DAB1: variants seen among roughly 807,000 people sequenced by gnomAD.
DAB1 encodes disabled homolog 1.
Under a neutral mutation model 64.6 loss-of-function variants are expected in DAB1, and 15 were observed. The ratio of observed to expected loss-of-function variants is 0.23; its 90% confidence interval spans 0.16 to 0.36. The LOEUF (loss-of-function observed/expected upper bound fraction) is 0.36, where lower values mean the gene tolerates loss of function less well. Ranked by LOEUF, DAB1 falls within the 10% of genes least tolerant of loss-of-function variation. DAB1 has a pLI of 1.00. For missense variants in DAB1, 596 were observed against 706.7 expected (o/e 0.84, Z 1.78); for synonymous variants, 235 against 251.9 (o/e 0.93, Z 0.64).
chr1:57,881,094 GACTTT>G (rs1203664292), intron 1 of DAB1, among the ~76,000 whole-genome samples: 1 of 152,140 alleles, frequency 6.6e-6, no homozygotes, highest in Non-Finnish European at 1.5e-5. Context: ...CAGTAATGCT[GACTTT>G]ACTTCACTAA....
chr1:58,057,682 T>C (rs1257024026), intron 5 of DAB1, among the ~76,000 whole-genome samples: 1 of 152,204 alleles, frequency 6.6e-6, no homozygotes, highest in East Asian at 1.9e-4. Flanking sequence ...GCCGACACCT[T>C]GGTTTTGGAC....
intron 3 of DAB1, chr1:58,480,867 C>T (rs1569858434): frequency 3.3e-6 from 2 of 610,550 alleles, no homozygotes; most frequent in South Asian, 4.7e-5. Context: ...CCTGAATATC[C>T]TTTTTTTTTT....
chr1:57,577,263 G>C (rs189776052), intron 7 of DAB1, among the ~76,000 whole-genome samples: 1 of 151,950 alleles, frequency 6.6e-6, no homozygotes, highest in Non-Finnish European at 1.5e-5. Context: ...TTTCCTCCTC[G>C]TAACAGCTCA....
intron 4 of DAB1, among the ~76,000 whole-genome samples, chr1:58,293,206 A>G (rs1661887467): frequency 6.6e-6 from 1 of 152,194 alleles, no homozygotes; most frequent in South Asian, 2.1e-4. Flanking sequence ...GGAAGTCATG[A>G]CTTGAGTCTA....
chr1:57,221,701 C>T (rs1666888033), intron 2 of DAB1, among the ~76,000 whole-genome samples: 1 of 152,140 alleles, frequency 6.6e-6, no homozygotes, highest in African/African-American at 2.4e-5. Context: ...CACACTCTCC[C>T]TACTTTGGCC....
intron 5 of DAB1, among the ~76,000 whole-genome samples, chr1:58,104,677 A>T (rs1397218700): frequency 6.6e-6 from 1 of 152,202 alleles, no homozygotes. Context: ...ATTTAAATCC[A>T]TTGGAGGGAA....
At chr1:57,282,197 A>C (rs661130) in intron 2 of DAB1, among the ~76,000 whole-genome samples, 39 of 54,414 alleles carry the variant, frequency 7.2e-4, no homozygotes, top group South Asian at 1.1e-3. Context: ...AAAAAAAAAA[A>C]AAAAAAAAAA....
chr1:58,513,784 A>C (rs1419527879), intron 2 of DAB1, among the ~76,000 whole-genome samples: 1 of 152,234 alleles, frequency 6.6e-6, no homozygotes, highest in East Asian at 1.9e-4. Flanking sequence ...TTTAATCCTC[A>C]TAACAACTTC....
At chr1:57,377,483 G>A (rs1246625980) in intron 1 of DAB1, among the ~76,000 whole-genome samples, 1 of 152,144 alleles carries the variant, frequency 6.6e-6, no homozygotes, top group African/African-American at 2.4e-5. Context: ...AACCTCCTCA[G>A]ATGATTCTTA....
chr1:57,372,912 C>T (rs1300649754), intron 1 of DAB1, among the ~76,000 whole-genome samples: 1 of 151,960 alleles, frequency 6.6e-6, no homozygotes, highest in Non-Finnish European at 1.5e-5. Flanking sequence ...CATGGTGGCT[C>T]ATGCCTATAA....
chr1:57,993,577 C>T (rs935314192), intron 5 of DAB1, among the ~76,000 whole-genome samples: 4 of 152,114 alleles, frequency 2.6e-5, no homozygotes, highest in Non-Finnish European at 5.9e-5. Context: ...ACACTGGTAC[C>T]CGCTGCATTT....
intron 4 of DAB1, among the ~76,000 whole-genome samples, chr1:58,259,910 T>A (rs1459345402): frequency 6.6e-6 from 1 of 152,236 alleles, no homozygotes; most frequent in African/African-American, 2.4e-5. Context: ...GACCAAGCAT[T>A]GCTTTAAGTG....
rs550005379 is a variant in DAB1 at position 57,993,204 on chromosome 1, C to T, written n.388-109042G>A. Among the ~76,000 whole-genome samples, 219 of 152,224 alleles carry T rather than the reference C, an allele frequency of 1.4e-3. 1 individual carries two copies. The highest frequency in any genetic ancestry group is 2.6e-3 in the Non-Finnish European group (180 of 68,024). On this transcript the variant is annotated intron_variant and non_coding_transcript_variant, in intron 5 of 20. Transcript: ENST00000485760. ...TTCTCCTGGTATTCTTTGCTAGGGT[C>T]ACGGAATGCATGGGTATTTCAGAGA...
chr1:57,376,745 C>T (rs1396275533), intron 1 of DAB1, among the ~76,000 whole-genome samples: 3 of 152,248 alleles, frequency 2.0e-5, no homozygotes, highest in Non-Finnish European at 2.9e-5. Context: ...GATAAAGAGA[C>T]AGAAAACTGT....
intron 4 of DAB1, among the ~76,000 whole-genome samples, chr1:58,281,374 C>T (rs903797043): frequency 2.6e-5 from 4 of 152,042 alleles, no homozygotes; most frequent in African/African-American, 9.7e-5. Flanking sequence ...TCAGCCTTCC[C>T]ATCCAGACAG....
intron 5 of DAB1, among the ~76,000 whole-genome samples, chr1:57,992,350 T>C (rs531939928): frequency 6.6e-6 from 1 of 152,290 alleles, no homozygotes; most frequent in South Asian, 2.1e-4. Flanking sequence ...TCAAGTTCCA[T>C]AGATAGGACT....
intron 7 of DAB1, among the ~76,000 whole-genome samples, chr1:57,480,467 T>C (rs1192159603): frequency 6.6e-6 from 1 of 151,376 alleles, no homozygotes; most frequent in Admixed American, 6.6e-5. Flanking sequence ...ATAAGATAAA[T>C]TTCATCATAA....
At chr1:58,528,154 G>C (rs1288355300) in intron 1 of DAB1, among the ~76,000 whole-genome samples, 6 of 152,194 alleles carry the variant, frequency 3.9e-5, no homozygotes, top group Non-Finnish European at 7.3e-5. Flanking sequence ...TCTGTTTTAG[G>C]TCAATGATGT....
At chr1:57,910,793 G>T (rs1329834377) in intron 5 of DAB1, among the ~76,000 whole-genome samples, 2 of 152,188 alleles carry the variant, frequency 1.3e-5, no homozygotes, top group Admixed American at 1.3e-4. Context: ...CATTATCGAT[G>T]TTTCCAGAGG....
Sources: allele counts gnomAD v4.1 joint callset (sites outside exome capture counted in the v4.1 genomes callset), GRCh38; gene constraint gnomAD v4.1.1; transcripts MANE v1.5; gene names NCBI Gene and HGNC (gene_info 2026-07-23, HGNC 2026-07-21).